Variants in SPDYA observed in about 807,000 individuals in gnomAD.
The protein encoded by SPDYA is speedy/RINGO cell cycle regulator family member A.
A neutral mutation model predicts 36.7 loss-of-function variants in SPDYA; 11 were observed. The ratio of observed to expected loss-of-function variants is 0.30; its 90% CI spans 0.19 to 0.50. The LOEUF is 0.50. SPDYA is among the 20% of genes least tolerant of loss of function. The pLI is 0.98. For missense variants in SPDYA, 287 were observed against 370.9 expected (o/e 0.77, Z 1.86); for synonymous variants, 115 against 118.7 (o/e 0.97, Z 0.20).
intron 6 of SPDYA, among the ~76,000 whole-genome samples, chr2:28,832,417 C>T (rs750892841): frequency 1.3e-5 from 2 of 152,120 alleles, no homozygotes; most frequent in Non-Finnish European, 2.9e-5. Context: ...GACTTAGGAT[C>T]TCTTCTCCTT....
chr2:28,834,546 G>A (rs1668547150), intron 6 of SPDYA, among the ~76,000 whole-genome samples: 1 of 152,128 alleles, frequency 6.6e-6, no homozygotes, highest in East Asian at 1.9e-4. Context: ...CAATTAAAAG[G>A]AATGAAGTAC....
intron 7 of SPDYA, among the ~76,000 whole-genome samples, chr2:28,847,745 C>A (rs200872954): frequency 8.2e-4 from 112 of 137,418 alleles, no homozygotes; most frequent in Admixed American, 9.7e-4. Context: ...GACTCTGTCT[C>A]AAAAAAAAAA....
intron 5 of SPDYA, among the ~76,000 whole-genome samples, chr2:28,822,876 G>A (rs944460020): frequency 2.4e-4 from 36 of 152,308 alleles, no homozygotes; most frequent in African/African-American, 8.4e-4. Context: ...AAGGTGCTGG[G>A]ATTACAGGTG....
chr2:28,845,514 G>A (rs573663827), intron 7 of SPDYA, among the ~76,000 whole-genome samples: 1 of 152,028 alleles, frequency 6.6e-6, no homozygotes, highest in Admixed American at 6.6e-5. Context: ...TGAATTACCA[G>A]CTTATCTGGT....
intron 7 of SPDYA, among the ~76,000 whole-genome samples, chr2:28,845,256 T>A (rs1367305359): frequency 6.6e-6 from 1 of 151,002 alleles, no homozygotes; most frequent in Non-Finnish European, 1.5e-5. Context: ...CAGCTTTTTT[T>A]TTTTTTTTCT....
intron 4 of SPDYA, among the ~76,000 whole-genome samples, chr2:28,821,598 G>A (rs1334576276): frequency 6.6e-6 from 1 of 152,128 alleles, no homozygotes; most frequent in Non-Finnish European, 1.5e-5. Flanking sequence ...GTCTTAACAC[G>A]ATCTCAAGAG....
At chr2:28,841,105 TTG>T (rs1479909021) in intron 7 of SPDYA, among the ~76,000 whole-genome samples, 3 of 152,070 alleles carry the variant, frequency 2.0e-5, no homozygotes, top group African/African-American at 7.2e-5. Context: ...CAGATAGTTT[TTG>T]TGTTTTTAGT....
chr2:28,833,934 A>T (rs1020799946), intron 6 of SPDYA, among the ~76,000 whole-genome samples: 1 of 152,134 alleles, frequency 6.6e-6, no homozygotes, highest in Non-Finnish European at 1.5e-5. Flanking sequence ...AATGAAAAAA[A>T]TTTTTTGCAA....
chr2:28,819,852 ATATATATATATATATATATATAT>A lies in SPDYA; in HGVS notation c.294+747_294+769del, dbSNP rs1558322440. Among the ~76,000 whole-genome samples, 24 of 5,850 alleles carry A rather than the reference ATATATATATATATATATATATAT, an allele frequency of 4.1e-3. 1 individual carries two copies. Among genetic ancestry groups the A allele is most frequent in the Non-Finnish European group, 5.2e-3 (19 of 3,688 alleles). 3.8% of individuals were successfully genotyped at this position (5,850 alleles called of 152,430 possible). On this transcript the variant is annotated intron_variant, in intron 4 of 7. Transcript: ENST00000334056. Reference sequence around the variant, plus strand: ...AAAAAAAAAAAAAAAAAAAAAAAATATATATATATATATATATATATATATATATATATATATATATATATATA... The same window carrying A: ...AAAAAAAAAAAAAAAAAAAAAAAATAATATATATATATATATATATATATA...
chr2:28,833,792 C>T (rs140005086), intron 6 of SPDYA, among the ~76,000 whole-genome samples: 5 of 152,008 alleles, frequency 3.3e-5, no homozygotes, highest in African/African-American at 4.8e-5. Context: ...GGTAAGTCTT[C>T]GTGACCTTGA....
chr2:28,831,395 C>T (rs1287942198), intron 6 of SPDYA, among the ~76,000 whole-genome samples: 1 of 152,030 alleles, frequency 6.6e-6, no homozygotes, highest in African/African-American at 2.4e-5. Context: ...GCAAAAATAG[C>T]AGTATTACAT....
chr2:28,829,080 G>A, intron 5 of SPDYA, 68 bp from the exon 6 acceptor site: 1 of 1,384,796 alleles, frequency 7.2e-7, no homozygotes, highest in South Asian at 1.4e-5. Context: ...TTTATGTCTT[G>A]GTGTATGTGA....
At chr2:28,830,350 C>G (rs553880902) in intron 6 of SPDYA, among the ~76,000 whole-genome samples, 67 of 151,822 alleles carry the variant, frequency 4.4e-4, no homozygotes, top group African/African-American at 1.5e-3. Context: ...ACTACAGGCG[C>G]CCGCCACCAT....
At chr2:28,823,133 A>G (rs987926149) in intron 5 of SPDYA, among the ~76,000 whole-genome samples, 2 of 152,148 alleles carry the variant, frequency 1.3e-5, no homozygotes, top group African/African-American at 4.8e-5. Context: ...TTGTGGACCT[A>G]TATCTATAAC....
At chr2:28,818,466 AAGAG>A (rs746467012) in intron 3 of SPDYA, among the ~76,000 whole-genome samples, 5 of 149,518 alleles carry the variant, frequency 3.3e-5, no homozygotes, top group Admixed American at 6.6e-5. Context: ...AAAAAAGAGA[AAGAG>A]AGAAAGGGGG....
chr2:28,826,051 C>T (rs990980013), intron 5 of SPDYA, among the ~76,000 whole-genome samples: 1 of 151,988 alleles, frequency 6.6e-6, no homozygotes, highest in African/African-American at 2.4e-5. Context: ...CTTTTAAGAC[C>T]TCTTTTTCTT....
At chr2:28,840,551 T>C (rs1171555291) in intron 7 of SPDYA, 82 bp downstream of exon 7, 2 of 1,514,520 alleles carry the variant, frequency 1.3e-6, no homozygotes, top group Non-Finnish European at 1.8e-6. Flanking sequence ...CGGGGATACA[T>C]AATAATTTAT....
rs764534653 is a variant in SPDYA, at chr2:28,816,236, C to A, written c.222C>A (p.Phe74Leu). The change falls in exon 3 of 8, where the codon TTC (phenylalanine) becomes TTA (leucine). Residue 74 changes from phenylalanine to leucine, a missense_variant. Physicochemically the swap from Phe to Leu is conservative, Grantham distance 22. Coordinates refer to ENST00000334056, the MANE Select transcript of SPDYA (RefSeq NM_182756.4). ...TACAGCGTCAGGATATGACTGCTTT[C>A]TTTAAATTATTTGGTAGGTTTAAAA... Reference protein sequence around the residue: ...LVIQRQDMTAFFKLFDDDLIQ... With the variant: ...LVIQRQDMTALFKLFDDDLIQ... The A allele has an allele frequency of 6.9e-6, 11 of 1,598,614 alleles. No individual in the cohort carries two copies. Among genetic ancestry groups the A allele is most frequent in the Non-Finnish European group, 2.6e-6 (3 of 1,175,220 alleles).
chr2:28,840,316 A>G lies in SPDYA; in HGVS notation c.697A>G (p.Lys233Glu), dbSNP rs771366948. The G allele has an allele frequency of 3.7e-6, 6 of 1,611,258 alleles. No homozygotes were observed. The Admixed American group carries it at 6.7e-5, about 18-fold the overall frequency. ...ATPVDCSLCG[K>E]KRRYVRLGLS... ...ACCAGTAGATTGTTCACTCTGTGGT[A>G]AAAAAAGAAGATATGTTAGACTGGG... Residue 233 changes from lysine (K) to glutamate (E), a missense_variant, in exon 7 of 8, where the codon AAA becomes GAA. Coordinates refer to ENST00000334056, the MANE Select transcript of SPDYA (RefSeq NM_182756.4).
Sources: allele counts gnomAD v4.1 joint callset (sites outside exome capture counted in the v4.1 genomes callset), GRCh38; gene constraint gnomAD v4.1.1; transcripts MANE v1.5; gene names NCBI Gene and HGNC (gene_info 2026-07-23, HGNC 2026-07-21).